The following DHX35 variants were observed in gnomAD, a reference collection of about 807,000 sequenced individuals.
DHX35 encodes DEAH-box helicase 35.
Under a neutral mutation model 99.6 loss-of-function variants are expected in DHX35, and 84 were observed. The observed-to-expected ratio is 0.84, with a 90% CI of 0.71 to 1.01. DHX35 has a LOEUF of 1.01. Among genes scored for constraint, DHX35 ranks in the 50% least tolerant of loss-of-function variants. The probability of loss-of-function intolerance (pLI) is 0.00; values close to 1 mark genes in which losing one functional copy is unlikely to be tolerated. For missense variants in DHX35, 852 were observed against 888.5 expected, an observed-to-expected ratio of 0.96 and a Z score of 0.52; for synonymous variants, 331 against 316.2, an observed-to-expected ratio of 1.05 and a Z score of -0.50.
chr20:39,027,684 C>T (rs966724430), intron 18 of DHX35, among the ~76,000 whole-genome samples: 2 of 152,034 alleles, frequency 1.3e-5, no homozygotes, highest in South Asian at 2.1e-4. Context: ...TAAGAAACAT[C>T]GTTATTTTAT....
rs1000358035 is a variant in DHX35 at position 38,978,343 on chromosome 20, T to G, written c.268-5356T>G. The G allele has an allele frequency of 6.7e-6, 5 of 743,308 alleles. No individual in the cohort carries two copies. In the African/African-American group the frequency reaches 8.6e-5, roughly 13 times the overall value. 46.0% of individuals were successfully genotyped at this position (743,308 alleles called of 1,614,324 possible). On this transcript the variant is annotated intron_variant, in intron 3 of 21. Coordinates refer to ENST00000252011, the MANE Select transcript of DHX35 (RefSeq NM_021931.4). ...ATTATCCACCTTAAAGTGATCATCT[T>G]TGATGGCCTTTAGTTCACAACCAAA...
intron 3 of DHX35, among the ~76,000 whole-genome samples, chr20:38,976,081 G>A (rs2086071155): frequency 6.6e-6 from 1 of 152,242 alleles, no homozygotes; most frequent in South Asian, 2.1e-4. Flanking sequence ...AGGAGAAAGA[G>A]CAGAGGCTGA....
chr20:39,014,755 A>G lies in DHX35; in HGVS notation c.1348-125A>G. 2.5e-6 allele frequency: 3 copies of G among 1,193,332 alleles called. No individual in the cohort carries two copies. In the East Asian group the frequency reaches 7.1e-5, roughly 28 times the overall value. The allele number at this position is 1,193,332 out of a possible 1,614,324, so 73.9% of individuals were successfully genotyped here. On this transcript the variant is annotated intron_variant, in intron 13 of 21. Transcript: ENST00000252011. ...CAAGAGGTGCCAACAGCAAGAACAG[A>G]AACATGGAGGCTGGGAAGAATGGGG...
At chr20:39,025,440 G>T (rs2086942699) in intron 18 of DHX35, 81 bp downstream of exon 18, 6 of 1,542,758 alleles carry the variant, frequency 3.9e-6, no homozygotes, top group Non-Finnish European at 3.5e-6. Context: ...ATGCTGGGCT[G>T]GTGCGAGGCA....
chr20:39,030,742 C>T lies in DHX35; in HGVS notation c.1922C>T (p.Ala641Val), dbSNP rs35849074. ...GACCATGAGCTGCACATACACCCTGCGTCAGTCCTCTATGCAGAGAAGCCG... is the reference window on the plus strand; with the variant it reads ...GACCATGAGCTGCACATACACCCTGTGTCAGTCCTCTATGCAGAGAAGCCG... The part of the protein sequence containing the change: ...RDDHELHIHP[A>V]SVLYAEKPPR... Residue 641 changes from alanine to valine, a missense_variant, in exon 20 of 22, where the codon GCG becomes GTG. Ala to Val is a moderately conservative substitution (Grantham distance 64). Coordinates refer to ENST00000252011, the MANE Select transcript of DHX35 (RefSeq NM_021931.4). 9,755 of 1,614,138 alleles carry T rather than the reference C, an allele frequency of 6.0e-3. 45 individuals carry two copies. The highest frequency in any genetic ancestry group is 7.1e-3 in the Non-Finnish European group (8,367 of 1,180,016).
At chr20:38,998,833 G>C (rs1452031031) in intron 8 of DHX35, among the ~76,000 whole-genome samples, 1 of 152,132 alleles carries the variant, frequency 6.6e-6, no homozygotes, top group African/African-American at 2.4e-5. Flanking sequence ...TTTCACTCTT[G>C]TTGCCCAGGC....
In DHX35 at chr20:39,018,845, A is replaced by C; in HGVS notation, c.1444A>C (p.Arg482=). The C allele has an allele frequency of 4.3e-6, 7 of 1,614,004 alleles. No homozygotes were observed. Among genetic ancestry groups the C allele is most frequent in the Non-Finnish European group, 5.9e-6 (7 of 1,179,956 alleles). The stretch of plus-strand genomic sequence containing the variant: ...TCGCCTAACTGAACCGCTTGGCATG[A>C]GAATTGCAGAGTTTCCTTTGAATCC... The part of the protein sequence containing the change: ...DCRLTEPLGM[R]IAEFPLNPMF... The change falls in exon 15 of 22, where the codon AGA becomes CGA. Residue 482 remains arginine (R), a synonymous_variant. Transcript: ENST00000252011.
At chr20:39,034,123 T>C in intron 20 of DHX35, 83 bp from the exon 21 acceptor site, 1 of 1,012,584 alleles carries the variant, frequency 9.9e-7, no homozygotes, top group Non-Finnish European at 1.5e-6. Context: ...TGTTAAAGGT[T>C]AAAGGAAACA....
intron 16 of DHX35, 93 bp from the exon 17 acceptor site, chr20:39,023,597 C>T: frequency 8.3e-7 from 1 of 1,211,076 alleles, no homozygotes; most frequent in South Asian, 1.3e-5. Context: ...AGGCAATCCT[C>T]CCACCTTAGC....
Position 38,978,199 on chromosome 20 carries a change from G to C in DHX35, c.268-5500G>C, listed in dbSNP as rs927126604. 9.5e-6 allele frequency: 10 copies of C among 1,047,714 alleles called. No homozygotes were observed. The African/African-American group carries it at 1.6e-4, about 16-fold the overall frequency. 64.9% of individuals were successfully genotyped at this position (1,047,714 alleles called of 1,614,324 possible). On this transcript the variant is annotated intron_variant, in intron 3 of 21. Coordinates refer to ENST00000252011, the MANE Select transcript of DHX35 (RefSeq NM_021931.4). ...TACAGACATTTTCAAAGTTGCCAGT[G>C]TTACTTTAATTGGACTGCCTTCGTA...
intron 11 of DHX35, 22 bp from the exon 12 acceptor site, chr20:39,006,124 C>T (rs776335658): frequency 1.2e-6 from 2 of 1,600,696 alleles, no homozygotes; most frequent in Admixed American, 1.7e-5. Context: ...GAGTTTTATT[C>T]TTCTTTCTGT....
At chr20:38,980,908 A>G (rs1384448062) in intron 3 of DHX35, among the ~76,000 whole-genome samples, 2 of 152,176 alleles carry the variant, frequency 1.3e-5, no homozygotes, top group African/African-American at 4.8e-5. Flanking sequence ...ATTCCTCAAT[A>G]TGTCTTCATC....
At chr20:39,038,412 G>C in intron 21 of DHX35, 87 bp from the exon 22 acceptor site, 1 of 1,400,564 alleles carries the variant, frequency 7.1e-7, no homozygotes, top group South Asian at 1.2e-5. Flanking sequence ...TGGAAGATTT[G>C]ATGTGGTCAT....
intron 14 of DHX35, among the ~76,000 whole-genome samples, chr20:39,017,059 A>G (rs2086797112): frequency 6.6e-6 from 1 of 151,732 alleles, no homozygotes; most frequent in African/African-American, 2.4e-5. Context: ...GGTTCCATTT[A>G]TCTGTATTTT....
chr20:39,029,600 G>C (rs1298652094), intron 19 of DHX35: 1 of 151,918 alleles, frequency 6.6e-6, no homozygotes, highest in Non-Finnish European at 1.5e-5. Flanking sequence ...GAGGCAACTT[G>C]TCCATGTGGA....
intron 1 of DHX35, 36 bp downstream of exon 1, chr20:38,962,443 G>A: frequency 6.2e-7 from 1 of 1,606,642 alleles, no homozygotes. Flanking sequence ...CAGATGCGGC[G>A]GCCTGACTTC....
At chr20:38,998,034 C>T (rs1218936394) in intron 8 of DHX35, among the ~76,000 whole-genome samples, 2 of 152,358 alleles carry the variant, frequency 1.3e-5, no homozygotes, top group South Asian at 4.1e-4. Flanking sequence ...ACAGCAGTGG[C>T]TGCAGCCGGG....
rs149754172 is a variant in DHX35, at chr20:39,032,888, G to A, written c.1956-1318G>A. 2.5e-3 allele frequency among the ~76,000 whole-genome samples: 385 copies of A among 152,284 alleles called. 1 individual carries two copies. Among genetic ancestry groups the A allele is most frequent in the African/African-American group, 8.8e-3 (366 of 41,564 alleles). On this transcript the variant is annotated intron_variant, in intron 20 of 21. Coordinates refer to ENST00000252011, the MANE Select transcript of DHX35 (RefSeq NM_021931.4). ...TGCTTAGGTTGAAAGCACCTTGGTC[G>A]GTTCTGGGTTTAGAAATGTTACCCA...
intron 4 of DHX35, among the ~76,000 whole-genome samples, chr20:38,987,290 A>AGT (rs1199576926): frequency 6.6e-6 from 1 of 151,618 alleles, no homozygotes; most frequent in Admixed American, 6.6e-5. Context: ...CCGAGGCTGG[A>AGT]GTGTAGTGGT....
Sources: allele counts gnomAD v4.1 joint callset (sites outside exome capture counted in the v4.1 genomes callset), GRCh38; gene constraint gnomAD v4.1.1; transcripts MANE v1.5; gene names NCBI Gene and HGNC (gene_info 2026-07-23, HGNC 2026-07-21).